The following GSK3B variants were observed in gnomAD, a reference collection of about 807,000 sequenced individuals.
GSK3B encodes the protein glycogen synthase kinase-3 beta.
A neutral mutation model predicts 56.4 loss-of-function variants in GSK3B; 15 were observed. That is an observed-to-expected ratio of 0.27 (90% confidence interval 0.18 to 0.41). The LOEUF (loss-of-function observed/expected upper bound fraction) is 0.41, where lower values mean the gene tolerates loss of function less well. Ranked by LOEUF, GSK3B falls within the 10% of genes least tolerant of loss-of-function variation. The pLI is 1.00. For synonymous variants in GSK3B, 181 were observed against 188.9 expected, an observed-to-expected ratio of 0.96 and a Z score of 0.34; for missense variants, 300 against 513.4, an observed-to-expected ratio of 0.58 and a Z score of 4.02.
chr3:119,990,949 T>C (rs2057559261), intron 2 of GSK3B, among the ~76,000 whole-genome samples: 1 of 151,956 alleles, frequency 6.6e-6, no homozygotes, highest in Non-Finnish European at 1.5e-5. Context: ...ATAAATAAAA[T>C]GGTATTAAAA....
At chr3:119,856,558 G>C (rs1399600696) in intron 9 of GSK3B, among the ~76,000 whole-genome samples, 1 of 152,072 alleles carries the variant, frequency 6.6e-6, no homozygotes, top group Non-Finnish European at 1.5e-5. Flanking sequence ...CTCATTATTT[G>C]TCATTACTGC....
intron 9 of GSK3B, among the ~76,000 whole-genome samples, chr3:119,853,883 C>G (rs2055976994): frequency 1.3e-5 from 2 of 151,146 alleles, no homozygotes; most frequent in South Asian, 4.2e-4. Context: ...CATTTTGACC[C>G]CCTGTTTTCC....
intron 9 of GSK3B, among the ~76,000 whole-genome samples, chr3:119,856,538 A>C (rs902102878): frequency 6.6e-6 from 1 of 152,208 alleles, no homozygotes; most frequent in Non-Finnish European, 1.5e-5. Context: ...TAAAATCTTG[A>C]ATACAGTCAC....
Position 119,936,357 on chromosome 3 carries a change from T to A in GSK3B, c.366+10911A>T, listed in dbSNP as rs1038450559. ...TAAAAAATATATATATATATATATTTTTTTTTTGAGACAAAGTCTCGCTCT... is the reference window on the plus strand; with the variant it reads ...TAAAAAATATATATATATATATATTATTTTTTTGAGACAAAGTCTCGCTCT... On this transcript the variant is annotated intron_variant, in intron 3 of 10. Transcript: ENST00000264235. 3.6e-3 allele frequency among the ~76,000 whole-genome samples: 523 copies of A among 144,318 alleles called. 5 individuals are homozygous for A. Among genetic ancestry groups the A allele is most frequent in the African/African-American group, 0.012 (464 of 38,000 alleles). The allele number at this position is 144,318 out of a possible 152,430, so 94.7% of individuals were successfully genotyped here. A position where few individuals can be genotyped will look rare whatever the true frequency, so the allele number is the denominator to read the frequency against.
chr3:120,001,073 C>T (rs1042206065), intron 2 of GSK3B, among the ~76,000 whole-genome samples: 16 of 151,570 alleles, frequency 1.1e-4, no homozygotes, highest in African/African-American at 2.9e-4. Flanking sequence ...TACAAGCGCC[C>T]GCCACCATAC....
intron 2 of GSK3B, among the ~76,000 whole-genome samples, chr3:119,982,244 A>G (rs1412955655): frequency 6.6e-6 from 1 of 152,248 alleles, no homozygotes; most frequent in African/African-American, 2.4e-5. Context: ...AGATAAAACC[A>G]CAAAGATGAG....
intron 1 of GSK3B, among the ~76,000 whole-genome samples, chr3:120,032,451 G>A (rs2057985405): frequency 3.3e-5 from 5 of 151,832 alleles, no homozygotes; most frequent in Admixed American, 3.3e-4. Flanking sequence ...CTCCAGCCTG[G>A]GCAACAGAGT....
At chr3:119,885,103 TC>T (rs2056421097) in intron 7 of GSK3B, among the ~76,000 whole-genome samples, 1 of 151,972 alleles carries the variant, frequency 6.6e-6, no homozygotes, top group East Asian at 1.9e-4. Flanking sequence ...AGACAAAGGT[TC>T]CTGCCAAAAG....
chr3:119,900,734 G>T (rs1195134087), intron 7 of GSK3B, among the ~76,000 whole-genome samples: 4 of 152,110 alleles, frequency 2.6e-5, no homozygotes, highest in Non-Finnish European at 2.9e-5. Context: ...CATCAATTAT[G>T]TAATTCAAAA....
At chr3:120,010,405 TA>T (rs2057768314) in intron 1 of GSK3B, among the ~76,000 whole-genome samples, 1 of 152,228 alleles carries the variant, frequency 6.6e-6, no homozygotes, top group Non-Finnish European at 1.5e-5. Flanking sequence ...ACTTAAACTC[TA>T]AATGAAGAGA....
At chr3:120,079,334 ACACACACACACACACAT>A (rs2058395315) in intron 1 of GSK3B, among the ~76,000 whole-genome samples, 1 of 146,620 alleles carries the variant, frequency 6.8e-6, no homozygotes, top group Non-Finnish European at 1.5e-5. Context: ...ACACACACAC[ACACACACACACACACAT>A]TTTTTTTTTT....
chr3:119,884,423 T>C (rs1576173189), intron 7 of GSK3B, among the ~76,000 whole-genome samples: 2 of 152,242 alleles, frequency 1.3e-5, no homozygotes, highest in Middle Eastern at 6.8e-3. Flanking sequence ...GAACAAATAT[T>C]TATTAAGCAC....
At position 119,866,568 on chromosome 3, in the gene GSK3B, GA is replaced by G. The variant is rs539666737; in HGVS notation, c.910-2964del. The stretch of plus-strand genomic sequence containing the variant: ...TTATAGACCTGCCCTGAAATTTTGG[GA>G]AAAAAAAATTAAGTACATACCCGCA... On this transcript the variant is annotated intron_variant, in intron 8 of 10. Coordinates refer to ENST00000264235, the MANE Select transcript of GSK3B (RefSeq NM_001146156.2). The G allele has an allele frequency of 2.8e-4, 438 of 1,540,132 alleles. No homozygotes were observed. The East Asian group carries it at 5.4e-3, about 19-fold the overall frequency.
intron 1 of GSK3B, among the ~76,000 whole-genome samples, chr3:120,073,090 T>C (rs1400025166): frequency 2.0e-5 from 3 of 152,018 alleles, no homozygotes; most frequent in African/African-American, 7.2e-5. Flanking sequence ...CAGTTTCATC[T>C]GTTAAAGTGA....
At chr3:119,875,317 T>G (rs1277148906) in intron 8 of GSK3B, among the ~76,000 whole-genome samples, 2 of 152,014 alleles carry the variant, frequency 1.3e-5, no homozygotes, top group African/African-American at 4.8e-5. Context: ...GAAACATACT[T>G]TGATTCTACA....
At chr3:119,850,043 A>G (rs1252038817) in intron 9 of GSK3B, among the ~76,000 whole-genome samples, 1 of 115,922 alleles carries the variant, frequency 8.6e-6, no homozygotes, top group Non-Finnish European at 2.2e-5. Flanking sequence ...TGTAATGTAA[A>G]TCTATAGATG....
intron 1 of GSK3B, among the ~76,000 whole-genome samples, chr3:120,053,212 C>T (rs1210861190): frequency 6.6e-6 from 1 of 152,156 alleles, no homozygotes; most frequent in Non-Finnish European, 1.5e-5. Flanking sequence ...TGGCGGGAGC[C>T]TGTAATCCCA....
chr3:119,837,979 G>A (rs1429882698), intron 10 of GSK3B, among the ~76,000 whole-genome samples: 2 of 138,688 alleles, frequency 1.4e-5, no homozygotes, highest in African/African-American at 2.7e-5. Context: ...TATTTCAGTC[G>A]ACATAAGAAA....
chr3:120,029,263 A>C, intron 1 of GSK3B: 1 of 726,184 alleles, frequency 1.4e-6, no homozygotes, highest in South Asian at 1.4e-5. Context: ...CTGCAAATGA[A>C]TGTCTTTGTA....
Sources: allele counts gnomAD v4.1 joint callset (sites outside exome capture counted in the v4.1 genomes callset), GRCh38; gene constraint gnomAD v4.1.1; transcripts MANE v1.5; gene names NCBI Gene and HGNC (gene_info 2026-07-23, HGNC 2026-07-21).